ATP8B4: variants seen among roughly 807,000 people sequenced by gnomAD.
The protein encoded by ATP8B4 is probable phospholipid-transporting ATPase IM.
A neutral mutation model predicts 145.6 loss-of-function variants in ATP8B4; 133 were observed. That is an observed-to-expected ratio of 0.91 (90% CI 0.79 to 1.05). ATP8B4 has a LOEUF of 1.05. Ranked by LOEUF, ATP8B4 falls within the 50% of genes least tolerant of loss-of-function variation. ATP8B4 has a pLI of 0.00. For missense variants in ATP8B4, 1,458 were observed against 1,425.2 expected, an observed-to-expected ratio of 1.02 and a Z score of -0.37; for synonymous variants, 507 against 492.9, an observed-to-expected ratio of 1.03 and a Z score of -0.38.
chr15:49,884,364 G>T (rs1023080818), intron 23 of ATP8B4, among the ~76,000 whole-genome samples: 2 of 152,040 alleles, frequency 1.3e-5, no homozygotes, highest in African/African-American at 4.8e-5. Flanking sequence ...CACTTTGGGG[G>T]TCGAGGCTAG....
chr15:50,020,858 T>C (rs1030179497), intron 6 of ATP8B4, among the ~76,000 whole-genome samples: 2 of 152,238 alleles, frequency 1.3e-5, no homozygotes, highest in African/African-American at 2.4e-5. Flanking sequence ...GTAATGGTAG[T>C]ATGGCTAAAT....
At chr15:50,065,263 G>A (rs1226919452) in intron 3 of ATP8B4, among the ~76,000 whole-genome samples, 1 of 152,088 alleles carries the variant, frequency 6.6e-6, no homozygotes, top group Admixed American at 6.6e-5. Flanking sequence ...AGAAAATCAG[G>A]TGTAAAATGT....
chr15:50,074,505 G>A (rs2054053566), intron 2 of ATP8B4, among the ~76,000 whole-genome samples: 1 of 152,168 alleles, frequency 6.6e-6, no homozygotes, highest in African/African-American at 2.4e-5. Context: ...AGAAGGAGCT[G>A]ACAAAGTCAA....
intron 5 of ATP8B4, among the ~76,000 whole-genome samples, chr15:50,044,209 T>C (rs1742687561): frequency 1.3e-5 from 2 of 152,162 alleles, no homozygotes; most frequent in African/African-American, 4.8e-5. Context: ...TGTATAAGAA[T>C]ACCTAATATT....
At chr15:49,963,578 G>A (rs12440802) in intron 13 of ATP8B4, among the ~76,000 whole-genome samples, 64,914 of 152,022 alleles carry the variant, frequency 0.43, 15,843 homozygotes, top group Non-Finnish European at 0.54. Context: ...CTATGCAGCC[G>A]TGAAAAGGAA....
Position 50,047,446 on chromosome 15 carries a change from A to C in ATP8B4, c.106T>G (p.Ser36Ala), listed in dbSNP as rs1487570997. The C allele has an allele frequency of 6.4e-7, 1 of 1,573,760 alleles. No individual in the cohort carries two copies. Among genetic ancestry groups the C allele is most frequent in the South Asian group, 1.1e-5 (1 of 90,228 alleles). ...AAGAAGGTGAGAATATTATATTTCG[A>C]TGTGTGGATACGATTATCCTGGAAA... ...FQYADNRIHTSKYNILTFLPI... is the reference protein window; with the variant it reads ...FQYADNRIHTAKYNILTFLPI... Residue 36 changes from serine to alanine, a missense_variant, in exon 4 of 28, where the codon TCG (serine) becomes GCG (alanine). Physicochemically the swap from Ser to Ala is moderately conservative, Grantham distance 99. Transcript: ENST00000284509.
chr15:50,000,210 C>T (rs143006920), intron 8 of ATP8B4, among the ~76,000 whole-genome samples: 1,785 of 152,220 alleles, frequency 0.012, 48 homozygotes, highest in Non-Finnish European at 9.5e-3. Context: ...GGGATAAATG[C>T]CCAGGGGTGA....
intron 2 of ATP8B4, among the ~76,000 whole-genome samples, chr15:50,090,633 C>A (rs76758475): frequency 0.014 from 2,097 of 152,246 alleles, 49 homozygotes; most frequent in African/African-American, 0.048. Flanking sequence ...GTGAGGAATA[C>A]ATTTCTGTTT....
At chr15:50,085,658 AAAC>A (rs2054855839) in intron 2 of ATP8B4, among the ~76,000 whole-genome samples, 1 of 151,562 alleles carries the variant, frequency 6.6e-6, no homozygotes, top group Non-Finnish European at 1.5e-5. Flanking sequence ...CCCAATCATC[AAAC>A]GTGTAAAATT....
chr15:50,048,493 AG>A (rs1308114916), intron 3 of ATP8B4, among the ~76,000 whole-genome samples: 18 of 152,174 alleles, frequency 1.2e-4, no homozygotes, highest in Admixed American at 7.8e-4. Context: ...GGATCACTTG[AG>A]GTCAGGAGTT....
upstream of ATP8B4, among the ~76,000 whole-genome samples, chr15:50,120,646 AAAC>A (rs537320572): frequency 2.0e-5 from 3 of 152,300 alleles, no homozygotes; most frequent in South Asian, 6.2e-4. Context: ...ACCTTATAGA[AAAC>A]CACACACACG....
chr15:50,083,922 A>G (rs2054724023), intron 2 of ATP8B4, among the ~76,000 whole-genome samples: 1 of 152,226 alleles, frequency 6.6e-6, no homozygotes, highest in African/African-American at 2.4e-5. Flanking sequence ...GATTGCCTTC[A>G]AAGTGTTTTC....
intron 19 of ATP8B4, 101 bp from the exon 20 acceptor site, chr15:49,917,140 T>C: frequency 9.2e-7 from 1 of 1,082,266 alleles, no homozygotes; most frequent in Non-Finnish European, 1.4e-6. Context: ...TCTTAAAGCC[T>C]ACAGGGGGCT....
intron 2 of ATP8B4, among the ~76,000 whole-genome samples, chr15:50,098,210 A>AT (rs1428264858): frequency 6.8e-6 from 1 of 147,170 alleles, no homozygotes; most frequent in Non-Finnish European, 1.5e-5. Context: ...AAAATTAAAG[A>AT]TTTTGGTTGT....
At chr15:50,060,348 C>T (rs1038719381) in intron 3 of ATP8B4, among the ~76,000 whole-genome samples, 1 of 152,176 alleles carries the variant, frequency 6.6e-6, no homozygotes, top group Non-Finnish European at 1.5e-5. Context: ...AAAAAATCTA[C>T]TCATATTCAC....
chr15:49,999,831 C>T (rs2047741975), intron 8 of ATP8B4, among the ~76,000 whole-genome samples: 1 of 152,096 alleles, frequency 6.6e-6, no homozygotes, highest in Non-Finnish European at 1.5e-5. Flanking sequence ...GCTCCATAGC[C>T]GTACCCACCT....
chr15:49,887,909 C>T (rs2036384160), intron 23 of ATP8B4, among the ~76,000 whole-genome samples: 1 of 152,168 alleles, frequency 6.6e-6, no homozygotes, highest in African/African-American at 2.4e-5. Flanking sequence ...CTGCAAAGGG[C>T]TTTCTCTGCT....
At chr15:49,994,622 TAAG>T (rs931582015) in intron 9 of ATP8B4, among the ~76,000 whole-genome samples, 6 of 151,958 alleles carry the variant, frequency 3.9e-5, no homozygotes, top group East Asian at 1.9e-4. Flanking sequence ...CTAAGTGCTA[TAAG>T]AAGAAGAAAA....
At chr15:50,172,560 G>A (rs1399341981) in intron 1 of ATP8B4, among the ~76,000 whole-genome samples, 8 of 152,036 alleles carry the variant, frequency 5.3e-5, no homozygotes, top group East Asian at 1.9e-4. Flanking sequence ...CTGCCCGGCC[G>A]CCACCCCATC....
Sources: gnomAD v4.1 joint callset for allele counts (sites outside exome capture counted in the v4.1 genomes callset) on GRCh38, gnomAD v4.1.1 for gene constraint, MANE v1.5 for transcripts, NCBI Gene and HGNC (gene_info 2026-07-23, HGNC 2026-07-21) for gene names.